CDH13: variants seen among roughly 807,000 people sequenced by gnomAD.
The protein encoded by CDH13 is cadherin-13.
In CDH13, 24 loss-of-function variants were observed where a neutral mutation model predicts 63.8. The observed-to-expected ratio is 0.38, with a 90% confidence interval of 0.27 to 0.53. The LOEUF is 0.53. Among genes scored for constraint, CDH13 ranks in the 20% least tolerant of loss-of-function variants. The probability of loss-of-function intolerance (pLI) is 0.85; values close to 1 mark genes in which losing one functional copy is unlikely to be tolerated. For missense variants in CDH13, 1,049 were observed against 903.1 expected, an observed-to-expected ratio of 1.16 and a Z score of -2.07; for synonymous variants, 503 against 355.3, an observed-to-expected ratio of 1.42 and a Z score of -4.67.
intron 6 of CDH13, among the ~76,000 whole-genome samples, chr16:83,440,212 G>A (rs1239962611): frequency 6.6e-6 from 1 of 152,206 alleles, no homozygotes; most frequent in African/African-American, 2.4e-5. Flanking sequence ...TTAGATGTGG[G>A]TCACAGAGTT....
chr16:83,350,607 C>A (rs956636851), intron 6 of CDH13, among the ~76,000 whole-genome samples: 7 of 152,182 alleles, frequency 4.6e-5, no homozygotes, highest in African/African-American at 1.7e-4. Context: ...TGTGCTGGCG[C>A]TATTCTAAGC....
intron 2 of CDH13, among the ~76,000 whole-genome samples, chr16:82,938,010 T>C (rs1404221915): frequency 6.6e-6 from 1 of 152,238 alleles, no homozygotes; most frequent in Non-Finnish European, 1.5e-5. Flanking sequence ...TGTGTTAGCT[T>C]ACATAATTTT....
intron 6 of CDH13, among the ~76,000 whole-genome samples, chr16:83,379,002 T>C (rs1328838207): frequency 1.4e-5 from 2 of 139,002 alleles, no homozygotes; most frequent in Non-Finnish European, 3.3e-5. Flanking sequence ...TATATATATA[T>C]ATATACACAC....
At position 83,114,161 on chromosome 16, in the gene CDH13, A is replaced by C. The variant is rs141565342; in HGVS notation, c.367-11224A>C. On this transcript the variant is annotated intron_variant, in intron 3 of 13. Coordinates refer to ENST00000567109, the MANE Select transcript of CDH13 (RefSeq NM_001257.5). ...AGATATTCATTACGTTAGGAATGTAATGTAATGATTCTTAGATGGTGATTC... is the reference window on the plus strand; with the variant it reads ...AGATATTCATTACGTTAGGAATGTACTGTAATGATTCTTAGATGGTGATTC... Among the ~76,000 whole-genome samples the C allele has an allele frequency of 5.8e-3, 876 of 152,340 alleles. 12 individuals carry two copies. Among genetic ancestry groups the C allele is most frequent in the African/African-American group, 0.019 (771 of 41,574 alleles).
chr16:82,688,372 G>C (rs1915296600), intron 1 of CDH13, among the ~76,000 whole-genome samples: 1 of 152,204 alleles, frequency 6.6e-6, no homozygotes, highest in Admixed American at 6.5e-5. Flanking sequence ...CTGAGCTTCA[G>C]CTTCCTCAGC....
rs1270448168 is a variant in CDH13 at position 82,815,723 on chromosome 16, G to A, written c.46-42639G>A. 3.9e-5 allele frequency among the ~76,000 whole-genome samples: 6 copies of A among 152,060 alleles called. No homozygotes were observed. In the South Asian group the frequency reaches 6.2e-4, roughly 16 times the overall value. On this transcript the variant is annotated intron_variant, in intron 1 of 13. Transcript: ENST00000567109. Reference sequence around the variant, plus strand: ...ACCATGAAGAACAGTGCCCCTAATCGTAGACTATCACTTTGTTGGCCACTG... The same window carrying A: ...ACCATGAAGAACAGTGCCCCTAATCATAGACTATCACTTTGTTGGCCACTG...
At chr16:83,537,282 G>A (rs933637141) in intron 7 of CDH13, among the ~76,000 whole-genome samples, 1 of 152,148 alleles carries the variant, frequency 6.6e-6, no homozygotes, top group Non-Finnish European at 1.5e-5. Flanking sequence ...TGAGCCAACT[G>A]GGACAATGAA....
intron 1 of CDH13, among the ~76,000 whole-genome samples, chr16:82,671,980 G>C (rs8054891): frequency 0.86 from 130,502 of 152,174 alleles, 56,240 homozygotes; most frequent in East Asian, 1. Context: ...CTTGCCCTGA[G>C]ACTATCACCT....
intron 7 of CDH13, among the ~76,000 whole-genome samples, chr16:83,524,723 A>T (rs535825559): frequency 6.6e-6 from 1 of 152,168 alleles, no homozygotes; most frequent in Admixed American, 6.5e-5. Context: ...AAGTGCTGGG[A>T]TTACAGGTGT....
At chr16:83,702,035 G>C (rs1906316447) in intron 10 of CDH13, among the ~76,000 whole-genome samples, 1 of 152,152 alleles carries the variant, frequency 6.6e-6, no homozygotes, top group African/African-American at 2.4e-5. Flanking sequence ...AAAGCTCTTA[G>C]CACAGTGTCT....
chr16:82,744,427 C>T lies in CDH13; in HGVS notation c.46-113935C>T, dbSNP rs367566752. 7.2e-5 allele frequency among the ~76,000 whole-genome samples: 11 copies of T among 152,182 alleles called. No individual in the cohort carries two copies. The South Asian group carries it at 1.5e-3, about 20-fold the overall frequency. On this transcript the variant is annotated intron_variant, in intron 1 of 13. Coordinates refer to ENST00000567109, the MANE Select transcript of CDH13 (RefSeq NM_001257.5). ...GTAGCTTGAGTTTGGGATTGTTCCT[C>T]GGGTTCCTAGGGATTTTTTTGAAAA... is the stretch of plus-strand genomic sequence containing the variant.
In CDH13 at chr16:83,370,260, C is replaced by T. The variant is rs996658948; in HGVS notation, c.781+25254C>T. ...AAAATTAGCCGGGTGCGGTGGCGGG[C>T]GGCTATAGTCGCAGCTACTCGGGAG... On this transcript the variant is annotated intron_variant, in intron 6 of 13. Coordinates refer to ENST00000567109, the MANE Select transcript of CDH13 (RefSeq NM_001257.5). Among the ~76,000 whole-genome samples, 7 of 151,750 alleles carry T rather than the reference C, an allele frequency of 4.6e-5. No homozygotes were observed. The South Asian group carries it at 6.3e-4, about 14-fold the overall frequency.
In CDH13 at chr16:83,799,900, G is replaced by C. The variant is rs1254869397; in HGVS notation, c.*4870G>C. Reference sequence around the variant, plus strand: ...ATGGAGAGACAGCAAAAAATGGTGGGAATGGGTGTGTGTATGAGGGTTTCA... The same window carrying C: ...ATGGAGAGACAGCAAAAAATGGTGGCAATGGGTGTGTGTATGAGGGTTTCA... On this transcript the variant is annotated 3_prime_UTR_variant, in exon 14 of 14. Coordinates refer to ENST00000567109, the MANE Select transcript of CDH13 (RefSeq NM_001257.5). 1 of 152,162 alleles carries C rather than the reference G, an allele frequency of 6.6e-6. No homozygotes were observed. The highest frequency in any genetic ancestry group is 1.5e-5 in the Non-Finnish European group (1 of 68,036). 9.4% of individuals were successfully genotyped at this position (152,162 alleles called of 1,614,324 possible).
At chr16:83,194,914 C>G (rs762275239) in intron 4 of CDH13, among the ~76,000 whole-genome samples, 1 of 152,130 alleles carries the variant, frequency 6.6e-6, no homozygotes, top group African/African-American at 2.4e-5. Context: ...TGTGCATTCT[C>G]CTGCTTTGAC....
At chr16:83,601,005 C>T (rs1268292733) in intron 7 of CDH13, among the ~76,000 whole-genome samples, 1 of 152,128 alleles carries the variant, frequency 6.6e-6, no homozygotes, top group Non-Finnish European at 1.5e-5. Context: ...CTTCCAGGTC[C>T]ACACCACAGG....
chr16:82,767,154 A>G (rs1372183835), intron 1 of CDH13, among the ~76,000 whole-genome samples: 1 of 152,210 alleles, frequency 6.6e-6, no homozygotes, highest in African/African-American at 2.4e-5. Context: ...TTCTCTTTTG[A>G]TGTAAAATTT....
At chr16:82,718,748 G>A (rs1052534153) in intron 1 of CDH13, among the ~76,000 whole-genome samples, 5 of 152,256 alleles carry the variant, frequency 3.3e-5, no homozygotes, top group African/African-American at 9.6e-5. Flanking sequence ...GATCTCGTGA[G>A]ACGATCACAA....
At chr16:83,653,607 G>T (rs190542724) in intron 8 of CDH13, among the ~76,000 whole-genome samples, 1 of 152,152 alleles carries the variant, frequency 6.6e-6, no homozygotes, top group Non-Finnish European at 1.5e-5. Flanking sequence ...CATAGTTCTG[G>T]TACTTAGGTG....
Position 82,842,125 on chromosome 16 carries a change from TATATATATATATACAC to T in CDH13, c.46-16223_46-16208del, listed in dbSNP as rs1335078079. On this transcript the variant is annotated intron_variant, in intron 1 of 13. Transcript: ENST00000567109. ...ATATATATATATGTATATATATATATATATATATATATACACATATATATATATATATATATATACA... is the reference window on the plus strand; with the variant it reads ...ATATATATATATGTATATATATATATATATATATATATATATATATATACA... Among the ~76,000 whole-genome samples the T allele has an allele frequency of 4.4e-3, 213 of 47,896 alleles. 3 individuals are homozygous for T. Among genetic ancestry groups the T allele is most frequent in the Non-Finnish European group, 6.4e-3 (131 of 20,398 alleles). The allele number at this position is 47,896 out of a possible 152,430, so 31.4% of individuals were successfully genotyped here.
Sources: gnomAD v4.1 joint callset for allele counts (sites outside exome capture counted in the v4.1 genomes callset) on GRCh38, gnomAD v4.1.1 for gene constraint, MANE v1.5 for transcripts, NCBI Gene and HGNC (gene_info 2026-07-23, HGNC 2026-07-21) for gene names.